Variants in SEM1 observed in about 807,000 individuals in gnomAD.
SEM1 encodes the protein SEM1 26S proteasome subunit, also known as 26S proteasome complex subunit SEM1.
Under a neutral mutation model 12.7 loss-of-function variants are expected in SEM1, and 3 were observed. The ratio of observed to expected loss-of-function variants is 0.24; its 90% CI spans 0.11 to 0.61. The LOEUF is 0.61. Ranked by LOEUF, SEM1 falls within the 20% of genes least tolerant of loss-of-function variation. The pLI, the probability that SEM1 is intolerant of heterozygous loss-of-function variation, is 0.88. For missense variants in SEM1, 59 were observed against 81.3 expected (o/e 0.73, Z 1.06); for synonymous variants, 30 against 27.8 (o/e 1.08, Z -0.25).
chr7:96,651,853 A>T (rs1808999501), intron 2 of SEM1, among the ~76,000 whole-genome samples: 1 of 152,210 alleles, frequency 6.6e-6, no homozygotes, highest in Non-Finnish European at 1.5e-5. Context: ...GATTACAGAC[A>T]TGAGTCACCA....
Position 96,665,395 on chromosome 7 carries a change from G to C in SEM1, c.170+29403C>G, listed in dbSNP as rs1400900945. 3.9e-5 allele frequency among the ~76,000 whole-genome samples: 6 copies of C among 152,156 alleles called. No homozygotes were observed. In the South Asian group the frequency reaches 1.2e-3, roughly 32 times the overall value. On this transcript the variant is annotated intron_variant, in intron 2 of 2. Coordinates refer to the SEM1 transcript ENST00000417009. The stretch of plus-strand genomic sequence containing the variant: ...TTTCCCGCCTAAAAATATGGCCTTG[G>C]TTTCTCATTCCTGTTCATTGTTGAA...
intron 2 of SEM1, among the ~76,000 whole-genome samples, chr7:96,657,927 G>A (rs1227360346): frequency 6.6e-6 from 1 of 152,188 alleles, no homozygotes; most frequent in African/African-American, 2.4e-5. Context: ...CAGAGGGCAG[G>A]TCTGGGCAGG....
In SEM1 at chr7:96,674,176, G is replaced by A. The variant is rs150686769; in HGVS notation, c.171-317C>T. 3.1e-3 allele frequency among the ~76,000 whole-genome samples: 468 copies of A among 151,954 alleles called. 1 individual carries two copies. Among genetic ancestry groups the A allele is most frequent in the Middle Eastern group, 0.017 (5 of 294 alleles). Reference sequence around the variant, plus strand: ...TTTGTAATTACATATTTACACATTTGTCCACTTCTGTCTTCCTTGTCTCCA... The same window carrying A: ...TTTGTAATTACATATTTACACATTTATCCACTTCTGTCTTCCTTGTCTCCA... On this transcript the variant is annotated intron_variant, in intron 2 of 2. Coordinates refer to the SEM1 transcript ENST00000413065.
At chr7:96,650,631 C>T in intron 2 of SEM1, 2 of 648,612 alleles carry the variant, frequency 3.1e-6, no homozygotes, top group Non-Finnish European at 2.8e-6. Flanking sequence ...TTAAATGAAA[C>T]CCCCCAAGTT....
intron 2 of SEM1, among the ~76,000 whole-genome samples, chr7:96,608,372 A>AT (rs1030936974): frequency 2.2e-4 from 33 of 149,038 alleles, no homozygotes; most frequent in East Asian, 1.6e-3. Flanking sequence ...CACTACTTCC[A>AT]TTTTTTTTTT....
intron 2 of SEM1, among the ~76,000 whole-genome samples, chr7:96,666,637 A>AT (rs201188530): frequency 0.31 from 41,244 of 134,522 alleles, 7,004 homozygotes; most frequent in African/African-American, 0.48. Context: ...ATTGAATCCA[A>AT]TTTTTTTTTT....
At chr7:96,497,815 C>T (rs1285287394), upstream of SEM1, among the ~76,000 whole-genome samples, 1 of 152,048 alleles carries the variant, frequency 6.6e-6, no homozygotes, top group Non-Finnish European at 1.5e-5. Context: ...TATTTCCAGA[C>T]TGGGAAATGA....
At chr7:96,669,430 A>G (rs1252685742), downstream of SEM1, among the ~76,000 whole-genome samples, 7 of 152,314 alleles carry the variant, frequency 4.6e-5, no homozygotes, top group East Asian at 1.3e-3. Flanking sequence ...TGAAATTTGA[A>G]TTTCATATAA....
At chr7:96,593,767 G>A (rs1042082431) in intron 2 of SEM1, among the ~76,000 whole-genome samples, 5 of 151,912 alleles carry the variant, frequency 3.3e-5, no homozygotes, top group Non-Finnish European at 7.4e-5. Context: ...AGGTCGTTAG[G>A]AAAAAGAATG....
intron 2 of SEM1, among the ~76,000 whole-genome samples, chr7:96,610,749 T>C (rs1563082222): frequency 6.6e-6 from 1 of 152,202 alleles, no homozygotes; most frequent in Non-Finnish European, 1.5e-5. Context: ...ATCTTTTGCA[T>C]AAAATACTGA....
exon 4 of SEM1, chr7:96,482,981 T>G (rs1023087432): frequency 1.3e-5 from 2 of 152,160 alleles, no homozygotes; most frequent in African/African-American, 4.8e-5. Flanking sequence ...TCTGGATTAG[T>G]TCAAATTTAC....
intron 2 of SEM1, among the ~76,000 whole-genome samples, chr7:96,586,254 T>G (rs2116101883): frequency 6.6e-6 from 1 of 152,298 alleles, no homozygotes; most frequent in South Asian, 2.1e-4. Context: ...CTCTGAGATT[T>G]TTCCTTCTTT....
At chr7:96,673,801 G>A in exon 3 of SEM1, 1 of 765,192 alleles carries the variant, frequency 1.3e-6, no homozygotes. Context: ...CCCTTTTGGT[G>A]GAGAACATAG....
intron 2 of SEM1, among the ~76,000 whole-genome samples, chr7:96,605,759 T>G (rs986187233): frequency 6.6e-6 from 1 of 152,200 alleles, no homozygotes; most frequent in Non-Finnish European, 1.5e-5. Flanking sequence ...GTGCTTTCAC[T>G]TTTTGCAGTT....
chr7:96,581,423 C>A (rs1409111013), intron 2 of SEM1, among the ~76,000 whole-genome samples: 4 of 151,514 alleles, frequency 2.6e-5, no homozygotes, highest in Non-Finnish European at 2.9e-5. Flanking sequence ...CAGCTTTGTT[C>A]TTTTGTTTTA....
At chr7:96,689,054 G>T in intron 2 of SEM1, 88 bp from the exon 3 acceptor site, 1 of 790,924 alleles carries the variant, frequency 1.3e-6, no homozygotes, top group Non-Finnish European at 2.1e-6. Flanking sequence ...AAATAAATGA[G>T]CTATGCCTGA....
chr7:96,671,224 C>G (rs73228330), downstream of SEM1, among the ~76,000 whole-genome samples: 5,940 of 152,266 alleles, frequency 0.039, 163 homozygotes, highest in Non-Finnish European at 0.061. Context: ...AGCAATAAGA[C>G]TTAAGTCTAT....
intron 2 of SEM1, among the ~76,000 whole-genome samples, chr7:96,632,570 G>A (rs1808297172): frequency 6.6e-6 from 1 of 152,040 alleles, no homozygotes; most frequent in South Asian, 2.1e-4. Context: ...GCGGACTAGG[G>A]GAGGGATAGC....
At position 96,486,186 on chromosome 7, in the gene SEM1, GGCTGTCATCTGCTTAC is replaced by G; in HGVS notation, c.227+1_227+16del. On this transcript the variant is annotated splice_donor_variant and splice_donor_5th_base_variant and intron_variant, in intron 2 of 3. Coordinates refer to the SEM1 transcript ENST00000356686. LOFTEE classifies it high-confidence loss of function. Reference sequence around the variant, plus strand: ...CTACCTTTTTTTTTTTTCCTCCTGTGGCTGTCATCTGCTTACCTGCAGACCCAGGCTAACTCTGTTG... The same window carrying G: ...CTACCTTTTTTTTTTTTCCTCCTGTGCTGCAGACCCAGGCTAACTCTGTTG... 3 of 1,507,246 alleles carry G rather than the reference GGCTGTCATCTGCTTAC, an allele frequency of 2.0e-6. No homozygotes were observed. The highest frequency in any genetic ancestry group is 2.7e-6 in the Non-Finnish European group (3 of 1,127,096). 93.4% of individuals were successfully genotyped at this position (1,507,246 alleles called of 1,614,324 possible).
Sources: allele counts gnomAD v4.1 joint callset (sites outside exome capture counted in the v4.1 genomes callset), GRCh38; gene constraint gnomAD v4.1.1; transcripts MANE v1.5; gene names NCBI Gene and HGNC (gene_info 2026-07-23, HGNC 2026-07-21).